The following ADAMTS17 variants were observed in gnomAD, a reference collection of about 807,000 sequenced individuals.
The protein encoded by ADAMTS17 is A disintegrin and metalloproteinase with thrombospondin motifs 17.
A neutral mutation model predicts 141.5 loss-of-function variants in ADAMTS17; 113 were observed. The ratio of observed to expected loss-of-function variants is 0.80; its 90% CI spans 0.69 to 0.93. ADAMTS17 has a LOEUF of 0.93. Ranked by LOEUF, ADAMTS17 falls within the 40% of genes least tolerant of loss-of-function variation. The probability of loss-of-function intolerance (pLI) is 0.00; values close to 1 mark genes in which losing one functional copy is unlikely to be tolerated. For missense variants in ADAMTS17, 1,659 were observed against 1,517.9 expected (o/e 1.09, Z -1.54); for synonymous variants, 768 against 630.6 (o/e 1.22, Z -3.27).
At chr15:100,335,318 C>T (rs1596548809) in intron 2 of ADAMTS17, among the ~76,000 whole-genome samples, 4 of 152,294 alleles carry the variant, frequency 2.6e-5, no homozygotes, top group Admixed American at 2.6e-4. Flanking sequence ...CCCCATCTCT[C>T]CCGTAAAACC....
At chr15:100,205,188 G>T (rs1051500986) in intron 7 of ADAMTS17, among the ~76,000 whole-genome samples, 2 of 152,164 alleles carry the variant, frequency 1.3e-5, no homozygotes, top group Non-Finnish European at 2.9e-5. Context: ...TCTGGTAAGA[G>T]AATCACACGA....
At chr15:100,229,468 T>C (rs2042409668) in intron 7 of ADAMTS17, among the ~76,000 whole-genome samples, 1 of 152,204 alleles carries the variant, frequency 6.6e-6, no homozygotes, top group Non-Finnish European at 1.5e-5. Flanking sequence ...GTGGCTTCTG[T>C]TCTATGACGC....
In ADAMTS17 at chr15:100,318,276, C is replaced by A. The variant is rs1397890904; in HGVS notation, c.616+12613G>T. Among the ~76,000 whole-genome samples the A allele has an allele frequency of 3.3e-5, 5 of 151,264 alleles. No homozygotes were observed. The South Asian group carries it at 1.0e-3, about 31-fold the overall frequency. On this transcript the variant is annotated intron_variant, in intron 3 of 21. Coordinates refer to ENST00000268070, the MANE Select transcript of ADAMTS17 (RefSeq NM_139057.4). ...TTACCAGACAAAATCTAACACCCGC[C>A]CCCCCTTATAGTTTTTTAATACCAG...
intron 3 of ADAMTS17, among the ~76,000 whole-genome samples, chr15:100,301,963 TAC>T (rs1231585497): frequency 2.6e-5 from 4 of 152,196 alleles, no homozygotes; most frequent in Admixed American, 2.0e-4. Context: ...ATTTAGCATA[TAC>T]AGTTGTTTTC....
chr15:100,128,870 T>C (rs1173649575), intron 12 of ADAMTS17: 2 of 152,160 alleles, frequency 1.3e-5, no homozygotes, highest in African/African-American at 4.8e-5. Context: ...GTTCAGATGG[T>C]GACAGGGTTC....
At chr15:100,084,380 G>A (rs1267663718) in intron 15 of ADAMTS17, among the ~76,000 whole-genome samples, 2 of 152,220 alleles carry the variant, frequency 1.3e-5, no homozygotes, top group Non-Finnish European at 2.9e-5. Flanking sequence ...ACAGCTCAAG[G>A]AGGCTTGCCT....
At chr15:100,273,820 G>A (rs1395525815) in intron 4 of ADAMTS17, among the ~76,000 whole-genome samples, 1 of 152,116 alleles carries the variant, frequency 6.6e-6, no homozygotes, top group African/African-American at 2.4e-5. Context: ...CGCTATACAT[G>A]CTATACATTT....
chr15:100,292,265 G>GCTCAGCCCGTGAGAATCTACGAGAGACA (rs1567497336), intron 3 of ADAMTS17, among the ~76,000 whole-genome samples: 4 of 140,506 alleles, frequency 2.8e-5, no homozygotes, highest in African/African-American at 1.1e-4. Context: ...TATGAGAGAC[G>GCTCAGCCCGTGAGAATCTACGAGAGACA]CTCAGCCCGT....
rs1464246036 is a variant in ADAMTS17, at chr15:100,030,707, T to C, written c.2591+18150A>G. ...GAACCACTCAAGACTTTTCTGCTGT[T>C]GCAATTTACTCTGAAATACGTATAA... On this transcript the variant is annotated intron_variant, in intron 18 of 21. Transcript: ENST00000268070. 2.6e-5 allele frequency among the ~76,000 whole-genome samples: 4 copies of C among 152,242 alleles called. 1 individual carries two copies. The highest frequency in any genetic ancestry group is 2.0e-4 in the Admixed American group (3 of 15,284).
intron 17 of ADAMTS17, among the ~76,000 whole-genome samples, chr15:100,050,426 G>A (rs2141584313): frequency 6.6e-6 from 1 of 152,284 alleles, no homozygotes; most frequent in African/African-American, 2.4e-5. Context: ...AGGGGGAGAA[G>A]GCCCCCCGGG....
At chr15:100,289,063 G>C (rs1002417638) in intron 3 of ADAMTS17, among the ~76,000 whole-genome samples, 2 of 152,190 alleles carry the variant, frequency 1.3e-5, no homozygotes, top group African/African-American at 4.8e-5. Flanking sequence ...CCGGAGCTTT[G>C]TTCTTTGAAA....
chr15:100,141,076 G>T (rs1340681016), intron 10 of ADAMTS17, among the ~76,000 whole-genome samples: 1 of 152,218 alleles, frequency 6.6e-6, no homozygotes, highest in African/African-American at 2.4e-5. Flanking sequence ...CGTGCACATG[G>T]CAAGGAAAAT....
chr15:100,317,159 G>A (rs1015365514), intron 3 of ADAMTS17, among the ~76,000 whole-genome samples: 10 of 152,024 alleles, frequency 6.6e-5, no homozygotes, highest in Admixed American at 2.0e-4. Context: ...TTCCTCAGTC[G>A]TTTGTCTAAA....
At chr15:100,006,236 C>T (rs59672219) in intron 18 of ADAMTS17, among the ~76,000 whole-genome samples, 1 of 152,306 alleles carries the variant, frequency 6.6e-6, no homozygotes, top group African/African-American at 2.4e-5. Context: ...ACCTTAACTC[C>T]TCTTGGCCAC....
intron 20 of ADAMTS17, among the ~76,000 whole-genome samples, chr15:99,989,542 C>A (rs759618782): frequency 6.6e-6 from 1 of 152,232 alleles, no homozygotes; most frequent in Non-Finnish European, 1.5e-5. Flanking sequence ...CTGGACTCTC[C>A]GTAACCATGC....
At chr15:100,045,232 C>T (rs976911834) in intron 18 of ADAMTS17, among the ~76,000 whole-genome samples, 4 of 151,832 alleles carry the variant, frequency 2.6e-5, no homozygotes, top group East Asian at 1.9e-4. Context: ...AAAGTAATCA[C>T]GTTAAAAATT....
At chr15:99,998,981 C>T (rs938956667) in intron 18 of ADAMTS17, among the ~76,000 whole-genome samples, 25 of 152,202 alleles carry the variant, frequency 1.6e-4, no homozygotes, top group Non-Finnish European at 2.1e-4. Context: ...CATGCCATGC[C>T]GGGCCATCCC....
At chr15:100,128,202 G>T (rs1027653864) in intron 12 of ADAMTS17, 1 of 152,230 alleles carries the variant, frequency 6.6e-6, no homozygotes, top group African/African-American at 2.4e-5. Context: ...GAGAACAAAG[G>T]GGAGCTGGTG....
At chr15:100,151,756 G>C (rs141294644) in intron 10 of ADAMTS17, among the ~76,000 whole-genome samples, 7 of 152,156 alleles carry the variant, frequency 4.6e-5, no homozygotes, top group African/African-American at 1.7e-4. Flanking sequence ...CTTCCCCTGT[G>C]GCCAGGGCCT....
Sources: gnomAD v4.1 joint callset for allele counts (sites outside exome capture counted in the v4.1 genomes callset) on GRCh38, gnomAD v4.1.1 for gene constraint, MANE v1.5 for transcripts, NCBI Gene and HGNC (gene_info 2026-07-23, HGNC 2026-07-21) for gene names.